Variants in ELK3 observed in about 807,000 individuals in gnomAD.
ELK3 encodes ETS transcription factor ELK3.
In ELK3, 10 loss-of-function variants were observed where a neutral mutation model predicts 28.9. The ratio of observed to expected loss-of-function variants is 0.35; its 90% confidence interval spans 0.21 to 0.59. The LOEUF is 0.59. Ranked by LOEUF, ELK3 falls within the 20% of genes least tolerant of loss-of-function variation. The probability of loss-of-function intolerance (pLI) is 0.82; values close to 1 mark genes in which losing one functional copy is unlikely to be tolerated. For missense variants in ELK3, 463 were observed against 517.3 expected (o/e 0.90, Z 1.02); for synonymous variants, 272 against 243.5 (o/e 1.12, Z -1.09).
chr12:96,228,798 A>G lies in ELK3; in HGVS notation c.207+5025A>G, dbSNP rs868819623. 3.3e-5 allele frequency among the ~76,000 whole-genome samples: 5 copies of G among 152,308 alleles called. No individual in the cohort carries two copies. In the South Asian group the frequency reaches 1.0e-3, roughly 32 times the overall value. ...TTTGTATCCAGAGCCCTCGAGGTTAAGAGTCCAGCTGTCCCTCAACCTCAG... is the reference window on the plus strand; with the variant it reads ...TTTGTATCCAGAGCCCTCGAGGTTAGGAGTCCAGCTGTCCCTCAACCTCAG... On this transcript the variant is annotated intron_variant, in intron 2 of 4. Coordinates refer to ENST00000228741, the MANE Select transcript of ELK3 (RefSeq NM_005230.4).
At chr12:96,249,240 A>G (rs1410398079) in intron 3 of ELK3, among the ~76,000 whole-genome samples, 2 of 152,214 alleles carry the variant, frequency 1.3e-5, no homozygotes, top group Non-Finnish European at 2.9e-5. Flanking sequence ...CGCTGCGAGA[A>G]GGCAGTGTCC....
intron 1 of ELK3, among the ~76,000 whole-genome samples, chr12:96,205,065 T>C (rs1342802782): frequency 1.3e-5 from 2 of 152,246 alleles, no homozygotes; most frequent in African/African-American, 2.4e-5. Flanking sequence ...CTGCTCCTCT[T>C]TGCAGAGTCA....
intron 3 of ELK3, among the ~76,000 whole-genome samples, chr12:96,256,033 C>T (rs1409822187): frequency 6.6e-6 from 1 of 152,134 alleles, no homozygotes; most frequent in African/African-American, 2.4e-5. Context: ...GACATCACAT[C>T]CTTTCTGAAA....
intron 1 of ELK3, among the ~76,000 whole-genome samples, chr12:96,217,841 G>A (rs1951630040): frequency 6.6e-6 from 1 of 150,548 alleles, no homozygotes; most frequent in East Asian, 2.0e-4. Flanking sequence ...GGAAGGCTGA[G>A]GCAGGAGAAT....
chr12:96,235,069 G>A (rs1400632414), intron 2 of ELK3, among the ~76,000 whole-genome samples: 3 of 152,084 alleles, frequency 2.0e-5, no homozygotes, highest in Admixed American at 6.5e-5. Flanking sequence ...TCCAGAAGAC[G>A]CTTCCTATGG....
rs1189734950 is a variant in ELK3 at position 96,241,151 on chromosome 12, G to A, written c.208-5789G>A. Among the ~76,000 whole-genome samples, 7 of 152,192 alleles carry A rather than the reference G, an allele frequency of 4.6e-5. No homozygotes were observed. In the South Asian group the frequency reaches 6.2e-4, roughly 14 times the overall value. On this transcript the variant is annotated intron_variant, in intron 2 of 4. Coordinates refer to ENST00000228741, the MANE Select transcript of ELK3 (RefSeq NM_005230.4). The stretch of plus-strand genomic sequence containing the variant: ...GCTTTAACCAGCCTAAGAATGAGCC[G>A]TGGAAAATTGTGTCTTTCATGCCTG...
intron 2 of ELK3, among the ~76,000 whole-genome samples, chr12:96,231,544 G>A (rs543502974): frequency 1.2e-3 from 177 of 152,326 alleles, no homozygotes; most frequent in African/African-American, 4.2e-3. Flanking sequence ...CCAGACTGGA[G>A]TGCAGTGGCG....
At chr12:96,235,056 G>A (rs1040749119) in intron 2 of ELK3, among the ~76,000 whole-genome samples, 5 of 152,176 alleles carry the variant, frequency 3.3e-5, no homozygotes, top group Admixed American at 6.5e-5. Context: ...AATACCCCAC[G>A]CTTCCAGAAG....
At chr12:96,199,052 AGTTCCTAT>A (rs975337097) in intron 1 of ELK3, among the ~76,000 whole-genome samples, 1 of 152,108 alleles carries the variant, frequency 6.6e-6, no homozygotes, top group Non-Finnish European at 1.5e-5. Context: ...TGAAAGACTG[AGTTCCTAT>A]GTGCTGTGAA....
chr12:96,243,812 T>C (rs1032647858), intron 2 of ELK3, among the ~76,000 whole-genome samples: 15 of 150,344 alleles, frequency 1.0e-4, no homozygotes, highest in South Asian at 4.2e-4. Context: ...CACTGCACTC[T>C]AGCCTGGGCA....
At chr12:96,228,157 C>A (rs564901833) in intron 2 of ELK3, among the ~76,000 whole-genome samples, 1 of 151,956 alleles carries the variant, frequency 6.6e-6, no homozygotes, top group Non-Finnish European at 1.5e-5. Flanking sequence ...TGGTGGCTCA[C>A]GCCTGTAATC....
At chr12:96,215,090 C>T (rs1951602317) in intron 1 of ELK3, among the ~76,000 whole-genome samples, 2 of 151,042 alleles carry the variant, frequency 1.3e-5, no homozygotes, top group East Asian at 1.9e-4. Flanking sequence ...TTCTCCTTTT[C>T]TTGGGCTCTC....
Position 96,267,249 on chromosome 12 carries a change from T to G in ELK3, c.*69T>G. The stretch of plus-strand genomic sequence containing the variant: ...ATTTGTCCCCACGGGCTAGTTTACC[T>G]GTGTCGTGAGAAGGACATTGTGAAA... On this transcript the variant is annotated 3_prime_UTR_variant, in exon 5 of 5. Transcript: ENST00000228741. The G allele has an allele frequency of 1.5e-6, 2 of 1,368,578 alleles. No homozygotes were observed. Among genetic ancestry groups the G allele is most frequent in the Non-Finnish European group, 2.0e-6 (2 of 989,718 alleles). The allele number at this position is 1,368,578 out of a possible 1,614,324, so 84.8% of individuals were successfully genotyped here. A position where few individuals can be genotyped will look rare whatever the true frequency, so the allele number is the denominator to read the frequency against.
At chr12:96,197,670 G>A (rs1951481080) in intron 1 of ELK3, among the ~76,000 whole-genome samples, 2 of 152,138 alleles carry the variant, frequency 1.3e-5, no homozygotes, top group Admixed American at 1.3e-4. Context: ...TCATGCACTT[G>A]GTACCAATGC....
intron 4 of ELK3, among the ~76,000 whole-genome samples, chr12:96,266,845 G>T: frequency 6.6e-6 from 1 of 152,118 alleles, no homozygotes. Context: ...TTTCCTAGTA[G>T]CCTATGCATA....
chr12:96,255,347 G>GA (rs1188819067), intron 3 of ELK3: 1 of 152,414 alleles, frequency 6.6e-6, no homozygotes, highest in Non-Finnish European at 1.5e-5. Flanking sequence ...TGGAGCCGGA[G>GA]AGGAAGTTAG....
At chr12:96,226,999 T>C (rs569003422) in intron 2 of ELK3, among the ~76,000 whole-genome samples, 11 of 152,208 alleles carry the variant, frequency 7.2e-5, no homozygotes, top group Non-Finnish European at 1.3e-4. Context: ...TCTGTGATGA[T>C]AGGTGTAAGT....
rs1951794570 is a variant in ELK3, at chr12:96,237,744, G to T, written c.208-9196G>T. Among the ~76,000 whole-genome samples, 3 of 152,336 alleles carry T rather than the reference G, an allele frequency of 2.0e-5. No homozygotes were observed. In the East Asian group the frequency reaches 5.8e-4, roughly 29 times the overall value. ...TGCCGTGTGTAACAGTCGTGCCTGT[G>T]AATAGCCACTGCATTCCAGCCTGGG... On this transcript the variant is annotated intron_variant, in intron 2 of 4. Coordinates refer to ENST00000228741, the MANE Select transcript of ELK3 (RefSeq NM_005230.4).
chr12:96,247,737 AAG>A lies in ELK3; in HGVS notation c.1002+6_1002+7del, dbSNP rs762255530. The A allele has an allele frequency of 3.9e-6, 6 of 1,546,536 alleles. No individual in the cohort carries two copies. In the South Asian group the frequency reaches 7.2e-5, roughly 19 times the overall value. On this transcript the variant is annotated splice_donor_5th_base_variant and intron_variant, in intron 3 of 4. Coordinates refer to ENST00000228741, the MANE Select transcript of ELK3 (RefSeq NM_005230.4). The surrounding 1 kb of genome is among the most constrained non-coding windows in gnomAD (Gnocchi z 5.5). ...CCCCAGCCTTCTTCACCGCACAGGT[AAG>A]AGTCATTCCTGTCATCTAAGCCACA...
Sources: allele counts gnomAD v4.1 joint callset (sites outside exome capture counted in the v4.1 genomes callset), GRCh38; gene constraint gnomAD v4.1.1; non-coding constraint Gnocchi (gnomAD v3.1); transcripts MANE v1.5; gene names NCBI Gene and HGNC (gene_info 2026-07-23, HGNC 2026-07-21).